The following TNS1 variants were observed in gnomAD, a reference collection of about 807,000 sequenced individuals.
The protein encoded by TNS1 is tensin 1.
In TNS1, 62 loss-of-function variants were observed where a neutral mutation model predicts 168.6. The observed-to-expected ratio is 0.37, with a 90% confidence interval of 0.30 to 0.45. The LOEUF is 0.45. Ranked by LOEUF, TNS1 falls within the 20% of genes least tolerant of loss-of-function variation. The pLI is 1.00. For missense variants in TNS1, 2,240 were observed against 2,339.4 expected, an observed-to-expected ratio of 0.96 and a Z score of 0.88; for synonymous variants, 934 against 933.2, an observed-to-expected ratio of 1.00 and a Z score of -0.02.
intron 1 of TNS1, among the ~76,000 whole-genome samples, chr2:218,015,581 CTT>C (rs1270224167): frequency 6.6e-6 from 1 of 152,184 alleles, no homozygotes; most frequent in Admixed American, 6.5e-5. Flanking sequence ...TGATCACTCT[CTT>C]CTGCACAATG....
At chr2:217,951,988 G>T (rs1284133203) in intron 3 of TNS1, among the ~76,000 whole-genome samples, 1 of 152,236 alleles carries the variant, frequency 6.6e-6, no homozygotes, top group Non-Finnish European at 1.5e-5. Flanking sequence ...CCCAGGCCCT[G>T]TGAGGCCCTC....
intron 18 of TNS1, among the ~76,000 whole-genome samples, chr2:217,856,519 G>A (rs930351445): frequency 6.6e-6 from 1 of 152,146 alleles, no homozygotes; most frequent in African/African-American, 2.4e-5. Flanking sequence ...ATGGGCTTCT[G>A]CAGGGGCTCT....
intron 3 of TNS1, among the ~76,000 whole-genome samples, chr2:217,931,618 G>A (rs891840426): frequency 1.3e-5 from 2 of 152,162 alleles, no homozygotes; most frequent in African/African-American, 4.8e-5. Context: ...CAAGGGCGTA[G>A]AGACCTCTCC....
chr2:217,955,268 G>A (rs528012075), intron 3 of TNS1, among the ~76,000 whole-genome samples: 1 of 152,314 alleles, frequency 6.6e-6, no homozygotes, highest in African/African-American at 2.4e-5. Flanking sequence ...ACCAACACAG[G>A]TGCCCTGGCC....
chr2:218,007,154 G>C (rs1958665473), upstream of TNS1, among the ~76,000 whole-genome samples: 1 of 152,096 alleles, frequency 6.6e-6, no homozygotes, highest in Non-Finnish European at 1.5e-5. Context: ...CCAGTGTCCA[G>C]GTAAAGATCC....
intron 22 of TNS1, 144 bp downstream of exon 22, chr2:217,831,311 A>G: frequency 4.7e-6 from 3 of 638,134 alleles, no homozygotes; most frequent in Non-Finnish European, 7.7e-6. Context: ...CAACCCCTAC[A>G]CAGAGAGCCC....
Position 217,804,471 on chromosome 2 carries a change from G to C in TNS1, c.5508C>G (p.Gly1836=), listed in dbSNP as rs528967723. 107 of 1,614,092 alleles carry C rather than the reference G, an allele frequency of 6.6e-5. 1 individual carries two copies. Among genetic ancestry groups the C allele is most frequent in the Admixed American group, 2.7e-4 (16 of 60,020 alleles). The change falls in exon 33 of 33, where the codon GGC becomes GGG. Residue 1836 remains glycine, a synonymous_variant. Transcript: ENST00000682258. ...CAAGGGGCAGGGTTCATCTCTTTTG[G>C]CCGGCATTCAGCATGACCTTGGAGA... ...NFVSKVMLNA[G]QKR
intron 7 of TNS1, among the ~76,000 whole-genome samples, chr2:217,900,194 T>A (rs993867439): frequency 1.3e-5 from 2 of 152,130 alleles, no homozygotes; most frequent in Non-Finnish European, 2.9e-5. Context: ...GGGAATAAAA[T>A]ACGTACCTTG....
intron 17 of TNS1, chr2:217,881,275 C>T (rs1037492434): frequency 1.4e-5 from 6 of 415,612 alleles, no homozygotes; most frequent in Non-Finnish European, 2.6e-5. Flanking sequence ...ATGAAGACCC[C>T]CTGGAAGAAA....
intron 18 of TNS1, among the ~76,000 whole-genome samples, chr2:217,869,981 C>T (rs1262858199): frequency 6.6e-6 from 1 of 152,236 alleles, no homozygotes; most frequent in Non-Finnish European, 1.5e-5. Flanking sequence ...TCCCACCCAC[C>T]CCACCGCAGT....
intron 4 of TNS1, among the ~76,000 whole-genome samples, chr2:217,909,289 C>T (rs928113166): frequency 5.3e-5 from 8 of 152,240 alleles, no homozygotes; most frequent in Admixed American, 2.0e-4. Flanking sequence ...CAGACCACAG[C>T]GGAACTGAGA....
intron 2 of TNS1, among the ~76,000 whole-genome samples, chr2:217,981,703 G>A (rs1334413232): frequency 1.3e-5 from 2 of 152,156 alleles, no homozygotes; most frequent in Non-Finnish European, 2.9e-5. Flanking sequence ...AAGGAGGCCC[G>A]CTTGCTGAGT....
chr2:217,831,565 G>A lies in TNS1; in HGVS notation c.3281-18C>T. On this transcript the variant is annotated intron_variant, in intron 21 of 32. Transcript: ENST00000682258. The stretch of plus-strand genomic sequence containing the variant: ...GGACCGCACTGTGCCAGGAAGAAGA[G>A]GGGAGACACAGGGAGTGAGAGGTGG... 6.8e-7 allele frequency: 1 copy of A among 1,468,204 alleles called. No individual in the cohort carries two copies. Among genetic ancestry groups the A allele is most frequent in the Non-Finnish European group, 9.0e-7 (1 of 1,111,798 alleles). 90.9% of individuals were successfully genotyped at this position (1,468,204 alleles called of 1,614,324 possible).
At chr2:217,979,045 G>C in intron 2 of TNS1, 1 of 488,828 alleles carries the variant, frequency 2.0e-6, no homozygotes, top group Non-Finnish European at 3.6e-6. Context: ...CCCAGAGCCA[G>C]AGCCCCTCCG....
rs1447138151 is a variant in TNS1 at position 217,848,143 on chromosome 2, G to C, written c.2374C>G (p.Gln792Glu). ...QQQPRPPPRQ[Q>E]ERAHLESLVA... The stretch of plus-strand genomic sequence containing the variant: ...AGACTCTCCAAGTGGGCTCTTTCCT[G>C]CTGGCGTGGAGGTGGGCGAGGCTGC... The change falls in exon 19 of 33, where the codon CAG becomes GAG. Residue 792 changes from glutamine (Q) to glutamate (E), a missense_variant. This residue lies in a region of TNS1 where 2,131 missense variants were observed against 2,171.2 expected (regional missense o/e 0.98). Transcript: ENST00000682258. 6.3e-7 allele frequency: 1 copy of C among 1,598,876 alleles called. No homozygotes were observed. Among genetic ancestry groups the C allele is most frequent in the Non-Finnish European group, 8.5e-7 (1 of 1,172,490 alleles).
intron 4 of TNS1, among the ~76,000 whole-genome samples, chr2:217,916,215 C>T (rs1954984606): frequency 1.3e-5 from 2 of 152,298 alleles, no homozygotes; most frequent in Admixed American, 1.3e-4. Context: ...CCAGCCTCCT[C>T]GGGCTCCCAT....
chr2:217,835,035 T>G (rs1944970210), intron 21 of TNS1, 56 bp downstream of exon 21: 1 of 1,483,306 alleles, frequency 6.7e-7, no homozygotes, highest in Non-Finnish European at 9.0e-7. Context: ...CAGGCAGGGT[T>G]GAGCTGAGGG....
At chr2:217,868,017 G>A (rs978514747) in intron 18 of TNS1, among the ~76,000 whole-genome samples, 6 of 152,238 alleles carry the variant, frequency 3.9e-5, no homozygotes, top group Non-Finnish European at 7.3e-5. Flanking sequence ...GAATGGAACC[G>A]CCGCATGGCA....
At chr2:217,845,499 G>C (rs1406231405) in intron 19 of TNS1, among the ~76,000 whole-genome samples, 1 of 152,178 alleles carries the variant, frequency 6.6e-6, no homozygotes, top group Non-Finnish European at 1.5e-5. Context: ...GACAGGGCTT[G>C]AACCAAAGAG....
Sources: allele counts gnomAD v4.1 joint callset (sites outside exome capture counted in the v4.1 genomes callset), GRCh38; gene constraint gnomAD v4.1.1; regional missense constraint gnomAD v4.1.1; transcripts MANE v1.5; gene names NCBI Gene and HGNC (gene_info 2026-07-23, HGNC 2026-07-21).